ZC3H12B: variants seen among roughly 807,000 people sequenced by gnomAD.
ZC3H12B encodes the protein probable ribonuclease ZC3H12B.
In ZC3H12B, 7 loss-of-function variants were observed where a neutral mutation model predicts 43.9. The ratio of observed to expected loss-of-function variants is 0.16; its 90% confidence interval spans 0.09 to 0.30. The LOEUF (loss-of-function observed/expected upper bound fraction) is 0.30, where lower values mean the gene tolerates loss of function less well. Among genes scored for constraint, ZC3H12B ranks in the 10% least tolerant of loss-of-function variants. The pLI is 1.00. For missense variants in ZC3H12B, 475 were observed against 670.2 expected (o/e 0.71, Z 3.22); for synonymous variants, 222 against 241.7 (o/e 0.92, Z 0.76).
the ZC3H12B span, chrX:65,328,121 T>C: frequency 4.1e-6 from 1 of 243,167 alleles, no homozygotes; most frequent in Non-Finnish European, 8.3e-6. Flanking sequence ...GCTTTTCTCA[T>C]CCAGCGGTGT....
intron 3 of ZC3H12B, among the ~76,000 whole-genome samples, chrX:65,482,359 G>A (rs1222991531): frequency 1.8e-5 from 2 of 110,980 alleles, no homozygotes; most frequent in Non-Finnish European, 3.8e-5. Flanking sequence ...CTTCACCAAT[G>A]AATCATAGAA....
intron 2 of ZC3H12B, among the ~76,000 whole-genome samples, chrX:65,392,003 G>A (rs1248256812): frequency 1.8e-5 from 2 of 111,806 alleles, no homozygotes; most frequent in African/African-American, 6.5e-5. Context: ...CTGACCTCGA[G>A]TGATCTGCCT....
the ZC3H12B span, among the ~76,000 whole-genome samples, chrX:65,059,100 C>G: frequency 9.0e-6 from 1 of 111,321 alleles, no homozygotes; most frequent in Non-Finnish European, 1.9e-5. Flanking sequence ...CACTGTCTGA[C>G]AAGCCCCAGT....
chrX:65,488,149 G>T (rs1602524445), upstream of ZC3H12B, among the ~76,000 whole-genome samples: 1 of 111,304 alleles, frequency 9.0e-6, no homozygotes, highest in Non-Finnish European at 1.9e-5. Context: ...GGGATTACAG[G>T]CATGAGCCAC....
At chrX:65,460,623 G>T (rs747939138) in intron 3 of ZC3H12B, among the ~76,000 whole-genome samples, 306 of 111,803 alleles carry the variant, frequency 2.7e-3, no homozygotes, top group African/African-American at 8.7e-3. Context: ...ATTCCCTATT[G>T]AATAAATGGT....
chrX:65,164,389 A>T, the ZC3H12B span, among the ~76,000 whole-genome samples: 1 of 111,196 alleles, frequency 9.0e-6, no homozygotes, highest in East Asian at 2.9e-4. Context: ...TACCTCAAAC[A>T]CCGCTCAGGT....
At chrX:65,446,018 A>G (rs1458961306) in intron 3 of ZC3H12B, among the ~76,000 whole-genome samples, 1 of 111,142 alleles carries the variant, frequency 9.0e-6, no homozygotes, top group East Asian at 2.8e-4. Context: ...CTGCCTGGCT[A>G]CTGCTGATGT....
At chrX:65,487,562 C>CA (rs1182443786), upstream of ZC3H12B, among the ~76,000 whole-genome samples, 5 of 109,569 alleles carry the variant, frequency 4.6e-5, no homozygotes, top group South Asian at 3.8e-4. Context: ...CAAAAAAAAA[C>CA]AAAAAAAATT....
the ZC3H12B span, among the ~76,000 whole-genome samples, chrX:65,103,327 G>A: frequency 9.4e-3 from 1,052 of 111,703 alleles, 20 homozygotes; most frequent in African/African-American, 0.032. Flanking sequence ...GCTCTGTTCC[G>A]CCCGGCTCTC....
chrX:65,192,541 G>C, the ZC3H12B span, among the ~76,000 whole-genome samples: 1 of 110,587 alleles, frequency 9.0e-6, no homozygotes, highest in Non-Finnish European at 1.9e-5. Context: ...CCAGTTTTTT[G>C]GTAGGTTTAT....
chrX:65,432,600 A>C (rs1215171519), intron 3 of ZC3H12B, among the ~76,000 whole-genome samples: 1 of 112,050 alleles, frequency 8.9e-6, no homozygotes, highest in Non-Finnish European at 1.9e-5. Flanking sequence ...GGGCCACCCC[A>C]TAAATGAACC....
the ZC3H12B span, among the ~76,000 whole-genome samples, chrX:65,244,317 A>G: frequency 4.5e-5 from 5 of 111,738 alleles, no homozygotes; most frequent in Non-Finnish European, 9.4e-5. Flanking sequence ...GATCACCATA[A>G]CAGATGTAAT....
At chrX:65,251,348 G>A in the ZC3H12B span, among the ~76,000 whole-genome samples, 1 of 111,689 alleles carries the variant, frequency 9.0e-6, no homozygotes, top group Non-Finnish European at 1.9e-5. Flanking sequence ...TAGCCTTGTA[G>A]TATAGTTTGA....
chrX:65,143,449 A>C, the ZC3H12B span, among the ~76,000 whole-genome samples: 2 of 110,846 alleles, frequency 1.8e-5, no homozygotes, highest in Non-Finnish European at 3.8e-5. Flanking sequence ...TATTGAGATG[A>C]TCAAGTGATT....
chrX:65,249,796 A>ATTTTTTT, the ZC3H12B span, among the ~76,000 whole-genome samples: 1 of 48,940 alleles, frequency 2.0e-5, no homozygotes, highest in Non-Finnish European at 3.8e-5. Context: ...ATTCCTAAGT[A>ATTTTTTT]TTTTTTTTTT....
intron 2 of ZC3H12B, among the ~76,000 whole-genome samples, chrX:65,378,283 T>C (rs1364013948): frequency 9.0e-6 from 1 of 111,598 alleles, no homozygotes; most frequent in Non-Finnish European, 1.9e-5. Context: ...TACAGTGAGA[T>C]ATAAATAGAA....
intron 3 of ZC3H12B, among the ~76,000 whole-genome samples, chrX:65,483,296 A>G (rs1346764953): frequency 8.9e-6 from 1 of 111,900 alleles, no homozygotes; most frequent in Non-Finnish European, 1.9e-5. Context: ...GCACACAAAC[A>G]GATGGGTATA....
At chrX:65,347,314 A>G in the ZC3H12B span, among the ~76,000 whole-genome samples, 1 of 111,840 alleles carries the variant, frequency 8.9e-6, no homozygotes, top group Non-Finnish European at 1.9e-5. Flanking sequence ...AAAGGTAGAT[A>G]AAACCACAAA....
the ZC3H12B span, among the ~76,000 whole-genome samples, chrX:65,134,661 A>C: frequency 9.0e-6 from 1 of 111,606 alleles, no homozygotes; most frequent in South Asian, 3.8e-4. Flanking sequence ...GGGTGAGGAC[A>C]GAGGACCGGT....
Sources: allele counts gnomAD v4.1 joint callset (sites outside exome capture counted in the v4.1 genomes callset), GRCh38; gene constraint gnomAD v4.1.1; transcripts MANE v1.5; gene names NCBI Gene and HGNC (gene_info 2026-07-23, HGNC 2026-07-21).